AFF3: variants seen among roughly 807,000 people sequenced by gnomAD.
AFF3 encodes AF4/FMR2 family member 3.
In AFF3, 32 loss-of-function variants were observed where a neutral mutation model predicts 129.7. The ratio of observed to expected loss-of-function variants is 0.25; its 90% CI spans 0.19 to 0.33. The LOEUF (loss-of-function observed/expected upper bound fraction) is 0.33. Ranked by LOEUF, AFF3 falls within the 10% of genes least tolerant of loss-of-function variation. The pLI, the probability that AFF3 is intolerant of heterozygous loss-of-function variation, is 1.00. For synonymous variants in AFF3, 644 were observed against 635.4 expected (o/e 1.01, Z -0.20); for missense variants, 1,373 against 1,592.0 (o/e 0.86, Z 2.34).
At chr2:100,125,744 G>A (rs1021817027) in intron 2 of AFF3, among the ~76,000 whole-genome samples, 5 of 152,172 alleles carry the variant, frequency 3.3e-5, no homozygotes, top group African/African-American at 1.2e-4. Flanking sequence ...GCCAGCCAAG[G>A]AAGGAGAGGA....
intron 7 of AFF3, among the ~76,000 whole-genome samples, chr2:99,894,490 A>T (rs1693793019): frequency 6.7e-6 from 1 of 148,662 alleles, no homozygotes; most frequent in African/African-American, 2.5e-5. Context: ...TTTTTTTGAG[A>T]CGGAGTCTCG....
chr2:99,562,097 G>A (rs577948646), intron 20 of AFF3, among the ~76,000 whole-genome samples: 3 of 152,076 alleles, frequency 2.0e-5, no homozygotes, highest in African/African-American at 2.4e-5. Context: ...AGGATATTTG[G>A]CCTTTAGTTT....
rs779791266 is a variant in AFF3 at position 99,778,895 on chromosome 2, C to CGTGTGT, written c.922-26595_922-26594insACACAC. Among the ~76,000 whole-genome samples, 17 of 137,134 alleles carry CGTGTGT rather than the reference C, an allele frequency of 1.2e-4. 1 individual carries two copies. The allele number at this position is 137,134 out of a possible 152,430, so 90.0% of individuals were successfully genotyped here. ...TTGTGTGTGTGTGTGTGTGTGTGTGCGCGTGTGTGTGTGTGTGTGTGTGTG... is the reference window on the plus strand; with the variant it reads ...TTGTGTGTGTGTGTGTGTGTGTGTGCGTGTGTGCGTGTGTGTGTGTGTGTGTGTGTG... On this transcript the variant is annotated intron_variant, in intron 8 of 24. Transcript: ENST00000672756.
intron 11 of AFF3, among the ~76,000 whole-genome samples, chr2:99,698,318 A>ATTAGGGCCAG (rs1676504403): frequency 6.6e-6 from 1 of 152,210 alleles, no homozygotes; most frequent in African/African-American, 2.4e-5. Context: ...CCAAGCTGGT[A>ATTAGGGCCAG]TCTGCAGAGT....
intron 4 of AFF3, among the ~76,000 whole-genome samples, chr2:100,041,809 C>G (rs967584417): frequency 2.0e-5 from 3 of 152,136 alleles, no homozygotes; most frequent in Non-Finnish European, 4.4e-5. Context: ...AGCTTTCAAC[C>G]AAACATATAG....
intron 4 of AFF3, among the ~76,000 whole-genome samples, chr2:100,039,008 C>T (rs982732722): frequency 2.6e-5 from 4 of 152,070 alleles, no homozygotes; most frequent in African/African-American, 9.7e-5. Flanking sequence ...ACAGGTGTGA[C>T]CCACCATGCC....
intron 7 of AFF3, among the ~76,000 whole-genome samples, chr2:99,858,039 T>G (rs1355379174): frequency 6.6e-6 from 1 of 152,120 alleles, no homozygotes; most frequent in Non-Finnish European, 1.5e-5. Flanking sequence ...GGACTGGACA[T>G]GACAGCAGCT....
chr2:99,787,629 G>A (rs1005530145), intron 8 of AFF3, among the ~76,000 whole-genome samples: 55 of 152,152 alleles, frequency 3.6e-4, no homozygotes, highest in African/African-American at 1.3e-3. Flanking sequence ...CTGAGCTGGG[G>A]CTGCTGGTCT....
intron 7 of AFF3, among the ~76,000 whole-genome samples, chr2:99,863,104 G>GTCTTGCCC (rs1691121043): frequency 6.6e-6 from 1 of 152,206 alleles, no homozygotes; most frequent in Non-Finnish European, 1.5e-5. Flanking sequence ...GCTCAATAAA[G>GTCTTGCCC]ACTCTACTAT....
At chr2:99,785,618 A>G (rs1034942985) in intron 8 of AFF3, among the ~76,000 whole-genome samples, 1 of 152,254 alleles carries the variant, frequency 6.6e-6, no homozygotes, top group Admixed American at 6.5e-5. Flanking sequence ...ACTGTTGTAG[A>G]TAACAGGCTT....
chr2:99,699,752 C>G (rs1676658841), intron 11 of AFF3, among the ~76,000 whole-genome samples: 2 of 152,166 alleles, frequency 1.3e-5, no homozygotes, highest in African/African-American at 2.4e-5. Context: ...ACAGCAGTGC[C>G]GATCTCTGCC....
At chr2:99,902,931 TTCTTTC>T (rs1694455382) in intron 7 of AFF3, among the ~76,000 whole-genome samples, 1 of 152,144 alleles carries the variant, frequency 6.6e-6, no homozygotes, top group Non-Finnish European at 1.5e-5. Context: ...ATTCAAATTT[TTCTTTC>T]TCTTTTACTC....
intron 4 of AFF3, among the ~76,000 whole-genome samples, chr2:100,061,927 T>C (rs183507376): frequency 6.6e-6 from 1 of 151,004 alleles, no homozygotes; most frequent in Admixed American, 6.6e-5. Flanking sequence ...GCACTTGATA[T>C]AATTTCCGTA....
rs1674390678 is a variant in AFF3, at chr2:99,551,328, C to T, written c.*146G>A. On this transcript the variant is annotated 3_prime_UTR_variant, in exon 25 of 25. Transcript: ENST00000672756. ...ATACCCACACATACAAACACACATG[C>T]CCTGCAAAAGATCATTGTTCAATGC... The T allele has an allele frequency of 2.2e-5, 26 of 1,167,314 alleles. 1 individual carries two copies. The South Asian group carries it at 3.8e-4, about 17-fold the overall frequency. The allele number at this position is 1,167,314 out of a possible 1,614,324, so 72.3% of individuals were successfully genotyped here.
chr2:100,108,512 C>T (rs953932723), intron 2 of AFF3, among the ~76,000 whole-genome samples: 1 of 152,104 alleles, frequency 6.6e-6, no homozygotes, highest in Non-Finnish European at 1.5e-5. Context: ...AACTTCAGTA[C>T]TTGTGCCCCT....
intron 2 of AFF3, 76 bp from the exon 3 acceptor site, chr2:100,105,659 C>T (rs1024669850): frequency 1.5e-4 from 206 of 1,345,290 alleles, no homozygotes; most frequent in Non-Finnish European, 2.0e-4. Context: ...GACAGCTCTT[C>T]CCCCTGGCTT....
intron 24 of AFF3, among the ~76,000 whole-genome samples, chr2:99,552,648 G>A (rs745716368): frequency 9.2e-5 from 14 of 152,170 alleles, no homozygotes; most frequent in Non-Finnish European, 1.8e-4. Context: ...GGGCAGGGAT[G>A]GGGAGGTGGC....
chr2:99,851,688 A>G (rs1179133530), intron 7 of AFF3, among the ~76,000 whole-genome samples: 1 of 152,186 alleles, frequency 6.6e-6, no homozygotes, highest in Non-Finnish European at 1.5e-5. Context: ...AGAAACTCTA[A>G]TATCTATAAA....
intron 4 of AFF3, among the ~76,000 whole-genome samples, chr2:100,080,976 G>A (rs570054391): frequency 9.2e-5 from 14 of 152,142 alleles, no homozygotes; most frequent in Non-Finnish European, 1.8e-4. Context: ...TCAGAAACCA[G>A]CAATGCAGCC....
Sources: allele counts gnomAD v4.1 joint callset (sites outside exome capture counted in the v4.1 genomes callset), GRCh38; gene constraint gnomAD v4.1.1; transcripts MANE v1.5; gene names NCBI Gene and HGNC (gene_info 2026-07-23, HGNC 2026-07-21).